The following TAFA4 variants were observed in gnomAD, a reference collection of about 807,000 sequenced individuals.
TAFA4 encodes the protein chemokine-like protein TAFA-4.
TAFA4 carries 20 observed loss-of-function variants against 21.1 expected under a neutral mutation model. That is an observed-to-expected ratio of 0.95 (90% CI 0.67 to 1.38). The LOEUF is 1.38. TAFA4 is among the 40% of genes most tolerant of loss of function. The pLI is 0.00. For synonymous variants in TAFA4, 71 were observed against 67.4 expected (o/e 1.05, Z -0.26); for missense variants, 211 against 180.9 (o/e 1.17, Z -0.95).
rs1042690492 is a variant in TAFA4, at chr3:68,922,027, CA to C, written c.-123+10212del. Among the ~76,000 whole-genome samples the C allele has an allele frequency of 3.9e-5, 6 of 152,298 alleles. 1 individual carries two copies. Among genetic ancestry groups the C allele is most frequent in the Admixed American group, 1.3e-4 (2 of 15,278 alleles). On this transcript the variant is annotated intron_variant, in intron 1 of 5. Coordinates refer to ENST00000295569, the MANE Select transcript of TAFA4 (RefSeq NM_182522.5). The stretch of plus-strand genomic sequence containing the variant: ...GAACATTTAATTTGTACTTTTGGTT[CA>C]GTAATTTAAATCAACCTTCTGAATC...
At chr3:68,748,587 C>CA (rs529854263) in intron 4 of TAFA4, among the ~76,000 whole-genome samples, 3 of 151,936 alleles carry the variant, frequency 2.0e-5, no homozygotes, top group Non-Finnish European at 4.4e-5. Context: ...ACTAAAAATA[C>CA]AAAAAAATTA....
At chr3:68,907,089 C>T (rs1328302944) in intron 1 of TAFA4, among the ~76,000 whole-genome samples, 1 of 145,944 alleles carries the variant, frequency 6.9e-6, no homozygotes, top group African/African-American at 2.5e-5. Context: ...GAACTCATTG[C>T]TGTCTAAAAA....
rs115980209 is a variant in TAFA4 at position 68,840,231 on chromosome 3, A to G, written c.130+40499T>C. On this transcript the variant is annotated intron_variant, in intron 3 of 5. Transcript: ENST00000295569. ...ATTGAATGACTGATTGATTTATGACAAGGTCTCACATTGCTGCTCAGGCTT... is the reference window on the plus strand; with the variant it reads ...ATTGAATGACTGATTGATTTATGACGAGGTCTCACATTGCTGCTCAGGCTT... Among the ~76,000 whole-genome samples, 553 of 152,250 alleles carry G rather than the reference A, an allele frequency of 3.6e-3. 8 individuals carry two copies. Among genetic ancestry groups the G allele is most frequent in the African/African-American group, 0.012 (502 of 41,548 alleles).
chr3:68,784,958 G>A (rs533739440), intron 3 of TAFA4, among the ~76,000 whole-genome samples: 2 of 152,090 alleles, frequency 1.3e-5, no homozygotes, highest in South Asian at 4.1e-4. Flanking sequence ...CAAACCCTGA[G>A]CTAGACACAA....
intron 1 of TAFA4, among the ~76,000 whole-genome samples, chr3:68,904,093 G>T (rs1220286975): frequency 6.6e-6 from 1 of 151,210 alleles, no homozygotes; most frequent in Non-Finnish European, 1.5e-5. Context: ...AATTTGCCAT[G>T]TATAGAAAGC....
At chr3:68,814,340 T>C (rs1382945918) in intron 3 of TAFA4, among the ~76,000 whole-genome samples, 4 of 152,150 alleles carry the variant, frequency 2.6e-5, no homozygotes, top group African/African-American at 9.6e-5. Flanking sequence ...GAGAAGGAAA[T>C]AAAGGGTATT....
intron 1 of TAFA4, among the ~76,000 whole-genome samples, chr3:68,888,389 T>C (rs2089695517): frequency 6.6e-6 from 1 of 152,164 alleles, no homozygotes; most frequent in Admixed American, 6.6e-5. Flanking sequence ...AGCTATTCTC[T>C]TCTGAGCCCT....
chr3:68,843,051 C>A (rs1704701539), intron 3 of TAFA4, among the ~76,000 whole-genome samples: 1 of 152,078 alleles, frequency 6.6e-6, no homozygotes, highest in Admixed American at 6.6e-5. Context: ...ATTTCAAGTA[C>A]TTTTTTCTAA....
intron 3 of TAFA4, among the ~76,000 whole-genome samples, chr3:68,870,689 T>A (rs1559549291): frequency 6.6e-6 from 1 of 152,068 alleles, no homozygotes; most frequent in Non-Finnish European, 1.5e-5. Flanking sequence ...CGTCTAGGTT[T>A]TAAGCCCGGC....
At chr3:68,755,616 C>T (rs976494709) in intron 3 of TAFA4, among the ~76,000 whole-genome samples, 2 of 152,186 alleles carry the variant, frequency 1.3e-5, no homozygotes, top group Non-Finnish European at 2.9e-5. Flanking sequence ...CAAAAGCATG[C>T]AGCAGATGTG....
chr3:68,790,219 A>T (rs1703336482), intron 3 of TAFA4, among the ~76,000 whole-genome samples: 1 of 152,188 alleles, frequency 6.6e-6, no homozygotes, highest in Non-Finnish European at 1.5e-5. Context: ...TATTAACTCT[A>T]ATGCAGACTT....
chr3:68,903,906 C>G (rs902007222), intron 1 of TAFA4, among the ~76,000 whole-genome samples: 4 of 152,144 alleles, frequency 2.6e-5, no homozygotes, highest in Non-Finnish European at 5.9e-5. Flanking sequence ...TGCCTCCTCC[C>G]TCTTTCCTCC....
intron 3 of TAFA4, among the ~76,000 whole-genome samples, chr3:68,827,802 T>C (rs1024048055): frequency 2.0e-5 from 3 of 152,336 alleles, no homozygotes; most frequent in Admixed American, 1.3e-4. Flanking sequence ...GATGAGCAGA[T>C]TGCAAAAATG....
At chr3:68,917,550 C>G (rs541751535) in intron 1 of TAFA4, among the ~76,000 whole-genome samples, 1 of 151,836 alleles carries the variant, frequency 6.6e-6, no homozygotes, top group Admixed American at 6.6e-5. Flanking sequence ...GTCAGGAGCT[C>G]GAGACCAGCC....
intron 3 of TAFA4, among the ~76,000 whole-genome samples, chr3:68,815,937 T>C (rs1703964816): frequency 6.6e-6 from 1 of 152,180 alleles, no homozygotes; most frequent in Non-Finnish European, 1.5e-5. Flanking sequence ...AATGATAGAC[T>C]GGATTAAGAA....
intron 3 of TAFA4, among the ~76,000 whole-genome samples, chr3:68,814,692 T>C (rs76499346): frequency 0.22 from 33,339 of 152,098 alleles, 4,447 homozygotes; most frequent in East Asian, 0.63. Flanking sequence ...GAACATTCCA[T>C]GCTCATGGGT....
chr3:68,775,725 T>C (rs978458829), intron 3 of TAFA4, among the ~76,000 whole-genome samples: 25 of 152,266 alleles, frequency 1.6e-4, no homozygotes, highest in African/African-American at 5.5e-4. Flanking sequence ...GGGAAGGCTG[T>C]GGGGACCCGG....
intron 3 of TAFA4, among the ~76,000 whole-genome samples, chr3:68,867,441 C>T (rs1029201875): frequency 6.6e-6 from 1 of 152,002 alleles, no homozygotes; most frequent in Non-Finnish European, 1.5e-5. Context: ...TGGAGTTCTT[C>T]AATCTGAAAG....
intron 3 of TAFA4, among the ~76,000 whole-genome samples, chr3:68,773,125 A>C (rs115881963): frequency 1.4e-3 from 213 of 152,274 alleles, no homozygotes; most frequent in African/African-American, 4.8e-3. Context: ...ACCTAATTGA[A>C]TATTGTGCAA....
Sources: allele counts gnomAD v4.1 joint callset (sites outside exome capture counted in the v4.1 genomes callset), GRCh38; gene constraint gnomAD v4.1.1; transcripts MANE v1.5; gene names NCBI Gene and HGNC (gene_info 2026-07-23, HGNC 2026-07-21).